The following ARIH1 variants were observed in gnomAD, a reference collection of about 807,000 sequenced individuals.
ARIH1 encodes the protein ariadne RBR E3 ubiquitin protein ligase 1.
In ARIH1, 8 loss-of-function variants were observed where a neutral mutation model predicts 85.0. The observed-to-expected ratio is 0.09, with a 90% CI of 0.06 to 0.17. The LOEUF is 0.17. Among genes scored for constraint, ARIH1 ranks in the 10% least tolerant of loss-of-function variants. ARIH1 has a pLI of 1.00. For synonymous variants in ARIH1, 238 were observed against 253.6 expected, an observed-to-expected ratio of 0.94 and a Z score of 0.59; for missense variants, 311 against 718.1, an observed-to-expected ratio of 0.43 and a Z score of 6.48.
intron 1 of ARIH1, among the ~76,000 whole-genome samples, chr15:72,511,703 G>A (rs1290621580): frequency 6.6e-6 from 1 of 152,154 alleles, no homozygotes; most frequent in East Asian, 1.9e-4. Context: ...CACATACATA[G>A]TCATCTGATT....
intron 1 of ARIH1, among the ~76,000 whole-genome samples, chr15:72,500,359 C>T (rs1175224760): frequency 6.6e-6 from 1 of 152,128 alleles, no homozygotes; most frequent in Non-Finnish European, 1.5e-5. Flanking sequence ...TCCCAAAGTG[C>T]TGGGATTACA....
In ARIH1 at chr15:72,504,992, A is replaced by T. The variant is rs528627360; in HGVS notation, c.376-13075A>T. ...TACACATGATAATTTCTTAGAAGGC[A>T]TTAAGTATTTAATCATATCTGAGGA... is the stretch of plus-strand genomic sequence containing the variant. On this transcript the variant is annotated intron_variant, in intron 1 of 13. Coordinates refer to ENST00000379887, the MANE Select transcript of ARIH1 (RefSeq NM_005744.5). Among the ~76,000 whole-genome samples the T allele has an allele frequency of 5.3e-5, 8 of 152,362 alleles. No individual in the cohort carries two copies. In the East Asian group the frequency reaches 1.5e-3, roughly 29 times the overall value.
intron 1 of ARIH1, among the ~76,000 whole-genome samples, chr15:72,492,634 G>A (rs1189084291): frequency 6.6e-6 from 1 of 152,140 alleles, no homozygotes; most frequent in South Asian, 2.1e-4. Flanking sequence ...TCACTGATTT[G>A]TTACAGAATT....
At chr15:72,497,946 G>A (rs1252625063) in intron 1 of ARIH1, among the ~76,000 whole-genome samples, 1 of 152,124 alleles carries the variant, frequency 6.6e-6, no homozygotes, top group East Asian at 1.9e-4. Flanking sequence ...TCTTGAATGT[G>A]GAAGTGAAGC....
chr15:72,508,803 C>T (rs1351590559), intron 1 of ARIH1, among the ~76,000 whole-genome samples: 2 of 151,588 alleles, frequency 1.3e-5, no homozygotes, highest in African/African-American at 4.8e-5. Context: ...AAGCAATTCT[C>T]CTGTCTCAGA....
intron 3 of ARIH1, among the ~76,000 whole-genome samples, chr15:72,551,926 G>T (rs2064154516): frequency 6.6e-6 from 1 of 152,182 alleles, no homozygotes; most frequent in South Asian, 2.1e-4. Flanking sequence ...AAAGAAGTTA[G>T]TGTGTTTTTC....
intron 1 of ARIH1, among the ~76,000 whole-genome samples, chr15:72,488,845 A>G (rs2063847597): frequency 6.6e-6 from 1 of 152,216 alleles, no homozygotes; most frequent in Admixed American, 6.5e-5. Context: ...CCAAGAGGAC[A>G]AGCTTCTTAA....
chr15:72,481,496 G>A (rs1170292586), intron 1 of ARIH1, among the ~76,000 whole-genome samples: 5 of 152,172 alleles, frequency 3.3e-5, no homozygotes, highest in Non-Finnish European at 5.9e-5. Context: ...ATCACTTGAG[G>A]TCAGGAGTTT....
chr15:72,556,916 A>G (rs2064176958), intron 5 of ARIH1, among the ~76,000 whole-genome samples: 1 of 152,116 alleles, frequency 6.6e-6, no homozygotes, highest in Admixed American at 6.6e-5. Context: ...TTATGACTGC[A>G]TAGTGTTTCA....
intron 1 of ARIH1, among the ~76,000 whole-genome samples, chr15:72,507,315 T>C (rs1396357508): frequency 6.6e-6 from 1 of 152,182 alleles, no homozygotes; most frequent in Non-Finnish European, 1.5e-5. Flanking sequence ...TGAGCCACCA[T>C]GCCTGGCTTT....
chr15:72,523,306 G>A (rs368370655), intron 2 of ARIH1, among the ~76,000 whole-genome samples: 2 of 152,142 alleles, frequency 1.3e-5, no homozygotes, highest in African/African-American at 4.8e-5. Context: ...ATATTATTCC[G>A]TGCTAAAGAA....
intron 3 of ARIH1, among the ~76,000 whole-genome samples, chr15:72,548,513 A>C (rs548959262): frequency 6.6e-6 from 1 of 152,342 alleles, no homozygotes; most frequent in East Asian, 1.9e-4. Context: ...AAGAAATTTC[A>C]CTATGCAAGT....
chr15:72,541,436 T>G (rs1290383235), intron 2 of ARIH1, among the ~76,000 whole-genome samples: 5 of 152,194 alleles, frequency 3.3e-5, no homozygotes, highest in Non-Finnish European at 2.9e-5. Context: ...AAAAGATACT[T>G]TGTTCTTGGC....
At chr15:72,580,437 A>T in intron 11 of ARIH1, 2 of 321,214 alleles carry the variant, frequency 6.2e-6, no homozygotes, top group South Asian at 1.0e-4. Context: ...ATTCCTTTTC[A>T]TATATACACA....
chr15:72,559,707 CT>C (rs1437866492), intron 5 of ARIH1, among the ~76,000 whole-genome samples: 1 of 152,162 alleles, frequency 6.6e-6, no homozygotes, highest in Non-Finnish European at 1.5e-5. Flanking sequence ...CTTTCTCCCC[CT>C]AGACCCTAGC....
At position 72,582,256 on chromosome 15, in the gene ARIH1, A is replaced by T; in HGVS notation, c.1589+69A>T. 1 of 1,083,000 alleles carries T rather than the reference A, an allele frequency of 9.2e-7. No individual in the cohort carries two copies. 67.1% of individuals were successfully genotyped at this position (1,083,000 alleles called of 1,614,324 possible). On this transcript the variant is annotated intron_variant, in intron 13 of 13. Coordinates refer to ENST00000379887, the MANE Select transcript of ARIH1 (RefSeq NM_005744.5). This position sits in a 1 kb window ranked among gnomAD's most constrained non-coding sequence, Gnocchi z 4.6. ...TGATCCTTACTGGTAAAGTTCAGTG[A>T]TAGTGAAACTGGGTTTAGCATATCC...
chr15:72,498,764 C>T (rs1029565605), intron 1 of ARIH1, among the ~76,000 whole-genome samples: 1 of 151,392 alleles, frequency 6.6e-6, no homozygotes, highest in Non-Finnish European at 1.5e-5. Flanking sequence ...GGCTTGAACC[C>T]AGGAGGCGGA....
intron 7 of ARIH1, among the ~76,000 whole-genome samples, chr15:72,564,850 T>C (rs530085277): frequency 2.2e-4 from 33 of 148,404 alleles, no homozygotes; most frequent in South Asian, 4.3e-4. Flanking sequence ...TCTGGGCCCC[T>C]TTTTTTTTTA....
intron 11 of ARIH1, among the ~76,000 whole-genome samples, chr15:72,572,924 T>C (rs527532767): frequency 2.6e-5 from 4 of 152,346 alleles, no homozygotes; most frequent in South Asian, 2.1e-4. Context: ...CCCACTGTTA[T>C]AGAAGGGATC....
Sources: gnomAD v4.1 joint callset for allele counts (sites outside exome capture counted in the v4.1 genomes callset) on GRCh38, gnomAD v4.1.1 for gene constraint, Gnocchi (gnomAD v3.1) non-coding constraint, MANE v1.5 for transcripts, NCBI Gene and HGNC (gene_info 2026-07-23, HGNC 2026-07-21) for gene names.